The following DCC variants were observed in gnomAD, a reference collection of about 807,000 sequenced individuals.
The protein encoded by DCC is DCC netrin 1 receptor.
DCC carries 58 observed loss-of-function variants against 172.5 expected under a neutral mutation model. The observed-to-expected ratio is 0.34, with a 90% CI of 0.27 to 0.42. The LOEUF (loss-of-function observed/expected upper bound fraction) is 0.42, where lower values mean the gene tolerates loss of function less well. Ranked by LOEUF, DCC falls within the 10% of genes least tolerant of loss-of-function variation. The pLI, the probability that DCC is intolerant of heterozygous loss-of-function variation, is 1.00. For missense variants in DCC, 1,740 were observed against 1,791.0 expected (o/e 0.97, Z 0.51); for synonymous variants, 709 against 644.5 (o/e 1.10, Z -1.52).
chr18:52,924,583 A>G (rs2040173042), intron 4 of DCC, among the ~76,000 whole-genome samples: 1 of 152,040 alleles, frequency 6.6e-6, no homozygotes, highest in Non-Finnish European at 1.5e-5. Context: ...GATGAAATGG[A>G]TCTTACTTAA....
At chr18:53,144,264 T>A (rs539404163) in intron 7 of DCC, among the ~76,000 whole-genome samples, 1 of 152,336 alleles carries the variant, frequency 6.6e-6, no homozygotes, top group East Asian at 1.9e-4. Context: ...ATATTTCTTT[T>A]CATGGGTTCT....
At position 52,697,285 on chromosome 18, in the gene DCC, T is replaced by G. The variant is rs137944734; in HGVS notation, c.92-54769T>G. ...AAAGACACACACACATACACACACA[T>G]GCAATGTGGAAGTTTACTGTTATCC... On this transcript the variant is annotated intron_variant, in intron 1 of 28. Transcript: ENST00000442544. Among the ~76,000 whole-genome samples, 848 of 152,278 alleles carry G rather than the reference T, an allele frequency of 5.6e-3. 10 individuals are homozygous for G. Among genetic ancestry groups the G allele is most frequent in the African/African-American group, 0.019 (796 of 41,558 alleles).
chr18:52,537,389 G>A (rs1225585123), intron 1 of DCC, among the ~76,000 whole-genome samples: 2 of 152,148 alleles, frequency 1.3e-5, no homozygotes, highest in African/African-American at 4.8e-5. Context: ...GGCTGTTGTG[G>A]GATGGGTTTT....
rs149457365 is a variant in DCC at position 53,098,201 on chromosome 18, GT to G, written c.1261+32045del. Among the ~76,000 whole-genome samples the G allele has an allele frequency of 9.8e-3, 1,461 of 149,068 alleles. 32 individuals are homozygous for G. Among genetic ancestry groups the G allele is most frequent in the African/African-American group, 0.033 (1,347 of 40,738 alleles). ...TACTATGTTTCATTTTCAGAATAGA[GT>G]TTTTTTTTTAATTCTGAAACAATTC... On this transcript the variant is annotated intron_variant, in intron 7 of 28. Coordinates refer to ENST00000442544, the MANE Select transcript of DCC (RefSeq NM_005215.4).
intron 5 of DCC, among the ~76,000 whole-genome samples, chr18:53,008,736 A>T (rs1261080005): frequency 6.7e-6 from 1 of 148,844 alleles, no homozygotes; most frequent in Non-Finnish European, 1.5e-5. Context: ...AAATTGTAAA[A>T]TATACATTTA....
intron 5 of DCC, among the ~76,000 whole-genome samples, chr18:53,055,065 C>G (rs1169159260): frequency 1.3e-5 from 2 of 152,012 alleles, no homozygotes; most frequent in Non-Finnish European, 2.9e-5. Flanking sequence ...GACTGATTGC[C>G]AAGGGATTTG....
At chr18:52,483,527 C>A (rs1397087935) in intron 1 of DCC, among the ~76,000 whole-genome samples, 2 of 151,984 alleles carry the variant, frequency 1.3e-5, no homozygotes, top group Non-Finnish European at 2.9e-5. Context: ...AAATAGACTT[C>A]TAGGTTGTAA....
chr18:53,156,567 T>C (rs886391499), intron 7 of DCC, among the ~76,000 whole-genome samples: 1 of 152,158 alleles, frequency 6.6e-6, no homozygotes, highest in Non-Finnish European at 1.5e-5. Context: ...TTTTTCTTTG[T>C]CAGAAATCAT....
chr18:52,992,066 A>G (rs1415299939), intron 5 of DCC, among the ~76,000 whole-genome samples: 2 of 152,184 alleles, frequency 1.3e-5, no homozygotes, highest in East Asian at 3.9e-4. Flanking sequence ...TGTTATTATT[A>G]TAGTCTACAG....
intron 5 of DCC, among the ~76,000 whole-genome samples, chr18:52,984,509 C>T (rs1321008764): frequency 1.3e-5 from 2 of 151,938 alleles, no homozygotes; most frequent in Non-Finnish European, 2.9e-5. Context: ...ATGATAATGG[C>T]TTTTAAAAGT....
chr18:53,502,959 G>A (rs1324310607), intron 27 of DCC, among the ~76,000 whole-genome samples: 3 of 151,952 alleles, frequency 2.0e-5, no homozygotes, highest in African/African-American at 7.3e-5. Context: ...CCATCACCTA[G>A]GTATTAAGCC....
At chr18:52,914,572 A>G (rs1943096) in intron 3 of DCC, among the ~76,000 whole-genome samples, 60,428 of 151,938 alleles carry the variant, frequency 0.4, 12,577 homozygotes, top group Non-Finnish European at 0.47. Flanking sequence ...GCCAGATGGA[A>G]GTTTTCATTT....
Position 53,236,639 on chromosome 18 carries a change from C to T in DCC, c.1911+21042C>T, listed in dbSNP as rs377503617. 2.6e-4 allele frequency among the ~76,000 whole-genome samples: 39 copies of T among 151,960 alleles called. No individual in the cohort carries two copies. In the East Asian group the frequency reaches 6.2e-3, roughly 24 times the overall value. Reference sequence around the variant, plus strand: ...TAAAGTCAGAGTTATTGATTTTGACCTTTTATGATCTACTTAAGAAAGTTT... The same window carrying T: ...TAAAGTCAGAGTTATTGATTTTGACTTTTTATGATCTACTTAAGAAAGTTT... On this transcript the variant is annotated intron_variant, in intron 12 of 28. Transcript: ENST00000442544.
chr18:52,682,301 G>C (rs181845224), intron 1 of DCC, among the ~76,000 whole-genome samples: 1 of 152,076 alleles, frequency 6.6e-6, no homozygotes. Flanking sequence ...AGGTACTACT[G>C]ATACAAAGTG....
intron 5 of DCC, among the ~76,000 whole-genome samples, chr18:53,057,079 TAAAAAAA>T (rs11316527): frequency 4.5e-5 from 4 of 89,328 alleles, no homozygotes; most frequent in African/African-American, 4.2e-5. Flanking sequence ...CTTCTAAAAG[TAAAAAAA>T]AAAAAAAAAA....
At chr18:53,316,334 C>G (rs760397033) in intron 13 of DCC, among the ~76,000 whole-genome samples, 7 of 152,096 alleles carry the variant, frequency 4.6e-5, no homozygotes, top group Non-Finnish European at 8.8e-5. Context: ...GGTACCAGTA[C>G]CATGCTGTTT....
intron 1 of DCC, among the ~76,000 whole-genome samples, chr18:52,748,427 G>A (rs2036943072): frequency 6.6e-6 from 1 of 152,250 alleles, no homozygotes; most frequent in Admixed American, 6.5e-5. Context: ...TGCACCTCCA[G>A]AAGGGTTGCA....
intron 5 of DCC, among the ~76,000 whole-genome samples, chr18:53,048,831 C>T (rs778053001): frequency 9.2e-5 from 14 of 151,848 alleles, no homozygotes; most frequent in Non-Finnish European, 1.9e-4. Flanking sequence ...CTCTCCACAA[C>T]CTCACCAGCA....
chr18:53,116,878 A>G (rs749951836), intron 7 of DCC, among the ~76,000 whole-genome samples: 7 of 151,734 alleles, frequency 4.6e-5, no homozygotes, highest in Non-Finnish European at 8.9e-5. Context: ...TCTAGACTAA[A>G]GGGCAGATCC....
Sources: gnomAD v4.1 joint callset for allele counts (sites outside exome capture counted in the v4.1 genomes callset) on GRCh38, gnomAD v4.1.1 for gene constraint, MANE v1.5 for transcripts, NCBI Gene and HGNC (gene_info 2026-07-23, HGNC 2026-07-21) for gene names.